KCNK10: variants seen among roughly 807,000 people sequenced by gnomAD.
The protein encoded by KCNK10 is potassium channel subfamily K member 10.
Under a neutral mutation model 47.7 loss-of-function variants are expected in KCNK10, and 25 were observed. That is an observed-to-expected ratio of 0.52 (90% CI 0.38 to 0.73). The LOEUF (loss-of-function observed/expected upper bound fraction) is 0.73, where lower values mean the gene tolerates loss of function less well. Ranked by LOEUF, KCNK10 falls within the 30% of genes least tolerant of loss-of-function variation. The pLI, the probability that KCNK10 is intolerant of heterozygous loss-of-function variation, is 0.00. For missense variants in KCNK10, 563 were observed against 714.5 expected (o/e 0.79, Z 2.42); for synonymous variants, 303 against 285.6 (o/e 1.06, Z -0.61).
At chr14:88,200,912 G>C (rs1292507967) in intron 4 of KCNK10, among the ~76,000 whole-genome samples, 1 of 152,202 alleles carries the variant, frequency 6.6e-6, no homozygotes, top group Non-Finnish European at 1.5e-5. Flanking sequence ...CACAGAGTGA[G>C]AGAGTGTAAA....
chr14:88,235,967 A>C (rs1886287360), intron 3 of KCNK10, among the ~76,000 whole-genome samples: 1 of 152,190 alleles, frequency 6.6e-6, no homozygotes, highest in Non-Finnish European at 1.5e-5. Context: ...GGTTTCCCCC[A>C]ACAGCTGCAT....
intron 1 of KCNK10, among the ~76,000 whole-genome samples, chr14:88,267,864 A>G (rs574003593): frequency 9.5e-4 from 145 of 152,262 alleles, no homozygotes; most frequent in African/African-American, 3.4e-3. Flanking sequence ...GGTGAAGGTG[A>G]CAGGAGCCCT....
At chr14:88,240,991 A>G (rs550104587) in intron 2 of KCNK10, among the ~76,000 whole-genome samples, 171 bp from the exon 3 acceptor site, 2 of 152,244 alleles carry the variant, frequency 1.3e-5, no homozygotes, top group African/African-American at 4.8e-5. Flanking sequence ...AATACTATGC[A>G]CCCAGTTGTG....
In KCNK10 at chr14:88,322,844, T is replaced by A; in HGVS notation, c.-46A>T. The A allele has an allele frequency of 6.2e-7, 1 of 1,613,736 alleles. No individual in the cohort carries two copies. The highest frequency in any genetic ancestry group is 8.5e-7 in the Non-Finnish European group (1 of 1,179,806). Reference sequence around the variant, plus strand: ...GAAGAAATGAAAAGAACCCAAATAATAATAAAGTCCTCAAGCTTTACACGC... The same window carrying A: ...GAAGAAATGAAAAGAACCCAAATAAAAATAAAGTCCTCAAGCTTTACACGC... On this transcript the variant is annotated 5_prime_UTR_variant, in exon 1 of 7. Coordinates refer to ENST00000319231, the MANE Select transcript of KCNK10 (RefSeq NM_138317.3). This position sits in a 1 kb window ranked among gnomAD's most constrained non-coding sequence, Gnocchi z 4.8.
chr14:88,226,825 A>G (rs1886002582), intron 4 of KCNK10, among the ~76,000 whole-genome samples: 1 of 152,240 alleles, frequency 6.6e-6, no homozygotes, highest in South Asian at 2.1e-4. Flanking sequence ...ACAGTTCAGT[A>G]GGAAGTAGTA....
chr14:88,215,758 C>G (rs1359164373), intron 4 of KCNK10, among the ~76,000 whole-genome samples: 1 of 151,924 alleles, frequency 6.6e-6, no homozygotes, highest in Non-Finnish European at 1.5e-5. Flanking sequence ...GAGAGAGAGA[C>G]AGAGAGACAG....
chr14:88,289,710 T>C lies in KCNK10; in HGVS notation c.53-26159A>G, dbSNP rs968648600. Among the ~76,000 whole-genome samples the C allele has an allele frequency of 7.2e-5, 11 of 152,354 alleles. 1 individual carries two copies. The South Asian group carries it at 2.3e-3, about 32-fold the overall frequency. ...ATCAGATAGACCTGAGCTCATGTCC[T>C]TAGCTCTGTGGCCTTGAGAAAAAAT... On this transcript the variant is annotated intron_variant, in intron 1 of 6. Transcript: ENST00000319231.
intron 1 of KCNK10, among the ~76,000 whole-genome samples, chr14:88,288,518 GC>G (rs1887814448): frequency 6.6e-6 from 1 of 151,958 alleles, no homozygotes; most frequent in African/African-American, 2.4e-5. Context: ...ACCTCAACCA[GC>G]CCATTAGCCA....
At chr14:88,288,330 C>A (rs447928) in intron 1 of KCNK10, among the ~76,000 whole-genome samples, 116,073 of 152,056 alleles carry the variant, frequency 0.76, 44,529 homozygotes, top group African/African-American at 0.82. Flanking sequence ...CACATCCCAA[C>A]TCTGCCTCTT....
chr14:88,282,354 G>T (rs919467592), intron 1 of KCNK10, among the ~76,000 whole-genome samples: 1 of 152,156 alleles, frequency 6.6e-6, no homozygotes, highest in Non-Finnish European at 1.5e-5. Context: ...TGTTACAAGA[G>T]GTTCTCTGGA....
chr14:88,245,978 C>T (rs554134174), intron 2 of KCNK10, among the ~76,000 whole-genome samples: 87 of 152,244 alleles, frequency 5.7e-4, no homozygotes, highest in African/African-American at 1.9e-3. Context: ...ACTCCCTGAA[C>T]GGCACAGTCA....
intron 4 of KCNK10, among the ~76,000 whole-genome samples, chr14:88,220,837 T>G (rs541181543): frequency 5.5e-4 from 84 of 152,014 alleles, no homozygotes; most frequent in African/African-American, 2.0e-3. Context: ...ACATGCTCCA[T>G]GAAAGAAATA....
At chr14:88,290,599 G>C (rs535002228) in intron 1 of KCNK10, among the ~76,000 whole-genome samples, 10 of 152,282 alleles carry the variant, frequency 6.6e-5, no homozygotes, top group African/African-American at 2.4e-4. Context: ...CAGTGTTACA[G>C]ATGGAGAAAT....
chr14:88,260,790 A>G lies in KCNK10; in HGVS notation c.402+2412T>C, dbSNP rs1042519872. On this transcript the variant is annotated intron_variant, in intron 2 of 6. Transcript: ENST00000319231. This position sits in a 1 kb window ranked among gnomAD's most constrained non-coding sequence, Gnocchi z 4.5. ...AAGAGCAGCTTTTTAAATTGTTATA[A>G]AATTATCTTAAATGCACACACGTGT... 6.6e-6 allele frequency among the ~76,000 whole-genome samples: 1 copy of G among 152,208 alleles called. No homozygotes were observed. Among genetic ancestry groups the G allele is most frequent in the African/African-American group, 2.4e-5 (1 of 41,456 alleles).
chr14:88,325,850 C>G (rs913526921), upstream of KCNK10, among the ~76,000 whole-genome samples: 6 of 151,928 alleles, frequency 3.9e-5, no homozygotes, highest in African/African-American at 1.5e-4. Flanking sequence ...CACTTGTGTA[C>G]AAGACAGGTT....
chr14:88,201,417 G>A (rs1885097169), intron 4 of KCNK10, among the ~76,000 whole-genome samples: 1 of 152,170 alleles, frequency 6.6e-6, no homozygotes, highest in African/African-American at 2.4e-5. Context: ...CAGCACTTTG[G>A]GAGGCCGAGA....
At chr14:88,228,121 T>C (rs1049756700) in intron 3 of KCNK10, among the ~76,000 whole-genome samples, 1 of 146,976 alleles carries the variant, frequency 6.8e-6, no homozygotes. Flanking sequence ...CCACCGCCAG[T>C]GAAGTTTCGC....
chr14:88,202,506 C>T (rs764238204), intron 4 of KCNK10, among the ~76,000 whole-genome samples: 6 of 152,176 alleles, frequency 3.9e-5, no homozygotes, highest in Non-Finnish European at 7.3e-5. Flanking sequence ...AGACTTTGAA[C>T]CACACCCATG....
chr14:88,227,641 C>T, intron 3 of KCNK10, 106 bp from the exon 4 acceptor site: 1 of 1,046,486 alleles, frequency 9.6e-7, no homozygotes, highest in Non-Finnish European at 1.4e-6. Context: ...ACCTTATGAG[C>T]TTCAGGGAGT....
Sources: gnomAD v4.1 joint callset for allele counts (sites outside exome capture counted in the v4.1 genomes callset) on GRCh38, gnomAD v4.1.1 for gene constraint, Gnocchi (gnomAD v3.1) non-coding constraint, MANE v1.5 for transcripts, NCBI Gene and HGNC (gene_info 2026-07-23, HGNC 2026-07-21) for gene names.